SPON2: variants seen among roughly 807,000 people sequenced by gnomAD.
The protein encoded by SPON2 is spondin 2.
Under a neutral mutation model 29.9 loss-of-function variants are expected in SPON2, and 32 were observed. That is an observed-to-expected ratio of 1.07 (90% confidence interval 0.81 to 1.44). The LOEUF is 1.44. Among genes scored for constraint, SPON2 ranks in the 40% most tolerant of loss-of-function variants. SPON2 has a pLI of 0.00. For synonymous variants in SPON2, 248 were observed against 209.1 expected (o/e 1.19, Z -1.61); for missense variants, 541 against 455.5 (o/e 1.19, Z -1.71).
chr4:1,170,920 C>A (rs1184248628), intron 4 of SPON2, 79 bp downstream of exon 4: 11 of 1,516,534 alleles, frequency 7.3e-6, no homozygotes, highest in Non-Finnish European at 8.1e-6. Context: ...GGCTGGGAGG[C>A]GAGGGTGCAG....
At chr4:1,180,811 T>C (rs1451577040) in intron 1 of SPON2, among the ~76,000 whole-genome samples, 2 of 151,894 alleles carry the variant, frequency 1.3e-5, no homozygotes, top group African/African-American at 4.8e-5. Flanking sequence ...AAAAAGGAAA[T>C]AGGTAAATTG....
Position 1,171,078 on chromosome 4 carries a change from G to A in SPON2, c.557C>T (p.Pro186Leu). The change falls in exon 4 of 6, where the codon CCC (proline) becomes CTC (leucine). Residue 186 changes from proline (P) to leucine (L), a missense_variant. Pro to Leu is a moderately conservative substitution (Grantham distance 98). Transcript: ENST00000290902. Reference sequence around the variant, plus strand: ...GCCGCTGTCCGTCCCGGCGTCGTAGGGGTACAGGTCCAGCGCCGCCTGTTC... The same window carrying A: ...GCCGCTGTCCGTCCCGGCGTCGTAGAGGTACAGGTCCAGCGCCGCCTGTTC... ...WREQAALDLYPYDAGTDSGFT... is the reference protein window; with the variant it reads ...WREQAALDLYLYDAGTDSGFT... 6.5e-7 allele frequency: 1 copy of A among 1,550,336 alleles called. No homozygotes were observed. Among genetic ancestry groups the A allele is most frequent in the Non-Finnish European group, 8.7e-7 (1 of 1,146,670 alleles).
At chr4:1,170,836 GCTGCACCCCCTTGCTCA>G (rs1727411287) in intron 4 of SPON2, 146 bp downstream of exon 4, 1 of 1,089,378 alleles carries the variant, frequency 9.2e-7, no homozygotes, top group Admixed American at 2.0e-5. Flanking sequence ...GTATGGGAGG[GCTGCACCCCCTTGCTCA>G]CTGCTGGCGC....
chr4:1,168,050 CA>C (rs1727304345), intron 5 of SPON2: 1 of 192,676 alleles, frequency 5.2e-6, no homozygotes, highest in African/African-American at 2.3e-5. Context: ...GAATAACAGA[CA>C]GGGGCACCTG....
At chr4:1,196,631 G>A (rs1299541695), upstream of SPON2, among the ~76,000 whole-genome samples, 1 of 152,200 alleles carries the variant, frequency 6.6e-6, no homozygotes, top group South Asian at 2.1e-4. Flanking sequence ...CCCATGGGCA[G>A]GTGTGCAGCC....
At chr4:1,205,988 C>A (rs1000911955) in intron 1 of SPON2, among the ~76,000 whole-genome samples, 1 of 151,626 alleles carries the variant, frequency 6.6e-6, no homozygotes, top group Non-Finnish European at 1.5e-5. Flanking sequence ...TCCCTCCAGG[C>A]CCCCAACCCT....
At chr4:1,188,421 C>T (rs893675080) in intron 1 of SPON2, among the ~76,000 whole-genome samples, 3 of 151,988 alleles carry the variant, frequency 2.0e-5, no homozygotes, top group Non-Finnish European at 2.9e-5. Context: ...TAAAAAGCAG[C>T]GGATAGAAGG....
chr4:1,194,424 G>A (rs2108671398), intron 1 of SPON2, among the ~76,000 whole-genome samples: 1 of 152,292 alleles, frequency 6.6e-6, no homozygotes, highest in African/African-American at 2.4e-5. Context: ...CCCCAGGCCT[G>A]GAGGACCGGA....
At chr4:1,193,978 C>G (rs569646439) in intron 1 of SPON2, among the ~76,000 whole-genome samples, 2 of 151,774 alleles carry the variant, frequency 1.3e-5, no homozygotes, top group African/African-American at 4.8e-5. Context: ...GCTCCCTGTC[C>G]CTCTTCTTTG....
At chr4:1,181,953 T>C (rs1727708402) in intron 1 of SPON2, among the ~76,000 whole-genome samples, 1 of 152,154 alleles carries the variant, frequency 6.6e-6, no homozygotes, top group South Asian at 2.1e-4. Context: ...GACTAGGACA[T>C]TCAAAAGCAG....
In SPON2 at chr4:1,172,404, G is replaced by A; in HGVS notation, c.-4+140C>T. The A allele has an allele frequency of 6.6e-6, 3 of 457,402 alleles. No homozygotes were observed. The South Asian group carries it at 6.6e-5, about 10-fold the overall frequency. The allele number at this position is 457,402 out of a possible 1,614,324, so 28.3% of individuals were successfully genotyped here. Reference sequence around the variant, plus strand: ...GACCCGGGGCCTTGGCCGACTGGCTGCCCCCGGGACTAGACCCTTAAAGCT... The same window carrying A: ...GACCCGGGGCCTTGGCCGACTGGCTACCCCCGGGACTAGACCCTTAAAGCT... On this transcript the variant is annotated intron_variant, in intron 1 of 5. Coordinates refer to ENST00000290902, the MANE Select transcript of SPON2 (RefSeq NM_012445.4).
At chr4:1,169,375 C>T (rs975128167) in intron 5 of SPON2, among the ~76,000 whole-genome samples, 3 of 152,142 alleles carry the variant, frequency 2.0e-5, no homozygotes, top group African/African-American at 7.2e-5. Context: ...CTGCACTGGG[C>T]AGGGGCAGCA....
At chr4:1,194,991 T>TC (rs1314789747) in exon 1 of SPON2, 2 of 74,230 alleles carry the variant, frequency 2.7e-5, no homozygotes, top group South Asian at 4.9e-4. Flanking sequence ...CGGCCTCACC[T>TC]CACAGCCGGC....
At chr4:1,182,317 C>A (rs528196898) in intron 1 of SPON2, among the ~76,000 whole-genome samples, 10 of 151,924 alleles carry the variant, frequency 6.6e-5, no homozygotes, top group African/African-American at 2.4e-4. Context: ...TAAAGATGCT[C>A]AAAGGACTAA....
upstream of SPON2, among the ~76,000 whole-genome samples, chr4:1,177,285 G>A (rs547920699): frequency 2.0e-5 from 3 of 152,182 alleles, no homozygotes; most frequent in Non-Finnish European, 4.4e-5. Context: ...CTTAGTGCCT[G>A]CTGTGGTTGG....
Position 1,202,795 on chromosome 4 carries a change from A to T in SPON2, c.-234+5085T>A, listed in dbSNP as rs1728244613. ...GCAACATGCTTTGAAATCTGGGTGC[A>T]GGCCACCATCGCCTGCAGTGTCAGC... is the stretch of plus-strand genomic sequence containing the variant. On this transcript the variant is annotated intron_variant, in intron 1 of 3. Transcript: ENST00000509233. The surrounding 1 kb of genome is among the most constrained non-coding windows in gnomAD (Gnocchi z 5.4). Among the ~76,000 whole-genome samples, 1 of 152,180 alleles carries T rather than the reference A, an allele frequency of 6.6e-6. No individual in the cohort carries two copies. Among genetic ancestry groups the T allele is most frequent in the Non-Finnish European group, 1.5e-5 (1 of 68,032 alleles).
At chr4:1,194,674 C>T (rs1277461227) in intron 1 of SPON2, among the ~76,000 whole-genome samples, 1 of 152,176 alleles carries the variant, frequency 6.6e-6, no homozygotes, top group Non-Finnish European at 1.5e-5. Flanking sequence ...GCTGGCCCCG[C>T]TGCCGGGACA....
upstream of SPON2, among the ~76,000 whole-genome samples, chr4:1,197,972 C>T (rs544697742): frequency 9.4e-5 from 14 of 149,096 alleles, no homozygotes; most frequent in Non-Finnish European, 1.5e-4. Flanking sequence ...TGCTTGAATC[C>T]GGGAGGTGGA....
upstream of SPON2, among the ~76,000 whole-genome samples, chr4:1,176,459 A>G (rs1727596639): frequency 6.6e-6 from 1 of 151,622 alleles, no homozygotes; most frequent in Admixed American, 6.6e-5. Flanking sequence ...ACTCACTCAC[A>G]CAGTACATTC....
Sources: gnomAD v4.1 joint callset for allele counts (sites outside exome capture counted in the v4.1 genomes callset) on GRCh38, gnomAD v4.1.1 for gene constraint, Gnocchi (gnomAD v3.1) non-coding constraint, MANE v1.5 for transcripts, NCBI Gene and HGNC (gene_info 2026-07-23, HGNC 2026-07-21) for gene names.